The following STK33 variants were observed in gnomAD, a reference collection of about 807,000 sequenced individuals.
The protein encoded by STK33 is serine/threonine kinase 33.
In STK33, 52 loss-of-function variants were observed where a neutral mutation model predicts 58.0. The observed-to-expected ratio is 0.90, with a 90% CI of 0.72 to 1.13. The LOEUF (loss-of-function observed/expected upper bound fraction) is 1.13. STK33 is among the 50% of genes most tolerant of loss of function. The probability of loss-of-function intolerance (pLI) is 0.00; values close to 1 mark genes in which losing one functional copy is unlikely to be tolerated. For missense variants in STK33, 630 were observed against 604.2 expected (o/e 1.04, Z -0.45); for synonymous variants, 215 against 200.1 (o/e 1.07, Z -0.63).
intron 15 of STK33, among the ~76,000 whole-genome samples, chr11:8,397,621 T>C (rs1191378583): frequency 6.6e-6 from 1 of 152,112 alleles, no homozygotes; most frequent in South Asian, 2.1e-4. Flanking sequence ...AGAATGACTT[T>C]GACGAGTTGA....
At chr11:8,471,475 A>G (rs1047700555) in intron 6 of STK33, among the ~76,000 whole-genome samples, 5 of 152,184 alleles carry the variant, frequency 3.3e-5, no homozygotes, top group African/African-American at 1.2e-4. Flanking sequence ...CATATAAGAT[A>G]TGATTTCATT....
chr11:8,446,151 C>T (rs1442366783), intron 11 of STK33, among the ~76,000 whole-genome samples: 1 of 152,088 alleles, frequency 6.6e-6, no homozygotes, highest in African/African-American at 2.4e-5. Flanking sequence ...TCTAGATTTT[C>T]TACTTTATTT....
rs1565087810 is a variant in STK33, at chr11:8,464,824, TG to T, written c.340-3del. ...TATTCTTCCAAAGGTATAGATTTCC[TG>T]GAGAAAAAAAAAAAAAGAGTTGTCT... On this transcript the variant is annotated splice_region_variant and splice_polypyrimidine_tract_variant and intron_variant, in intron 6 of 15. Coordinates refer to ENST00000687296, the MANE Select transcript of STK33 (RefSeq NM_001352389.2). 3.3e-6 allele frequency: 5 copies of T among 1,537,392 alleles called. No individual in the cohort carries two copies. The Admixed American group carries it at 5.5e-5, about 17-fold the overall frequency.
intron 1 of STK33, among the ~76,000 whole-genome samples, chr11:8,579,639 A>G (rs900275005): frequency 6.6e-6 from 1 of 152,046 alleles, no homozygotes; most frequent in Non-Finnish European, 1.5e-5. Context: ...TTACAAGAGA[A>G]AAAAAAGGCT....
At chr11:8,488,331 G>A (rs1263450725) in intron 1 of STK33, among the ~76,000 whole-genome samples, 2 of 151,882 alleles carry the variant, frequency 1.3e-5, no homozygotes. Flanking sequence ...ATCTCTGTAG[G>A]GGCTTTGAAA....
chr11:8,438,033 C>A (rs1470331785), intron 12 of STK33, among the ~76,000 whole-genome samples: 4 of 152,136 alleles, frequency 2.6e-5, no homozygotes, highest in African/African-American at 9.7e-5. Flanking sequence ...CAGTGCAGGC[C>A]AGCAAAGGCC....
intron 15 of STK33, among the ~76,000 whole-genome samples, chr11:8,408,394 T>A (rs1356350535): frequency 6.6e-6 from 1 of 152,106 alleles, no homozygotes; most frequent in African/African-American, 2.4e-5. Context: ...CACTAATACA[T>A]CTTTGCAAAA....
chr11:8,344,798 G>A, the STK33 span, among the ~76,000 whole-genome samples: 2 of 152,220 alleles, frequency 1.3e-5, no homozygotes, highest in Non-Finnish European at 1.5e-5. Context: ...TGATGACCCT[G>A]GAGGTGGGGA....
At chr11:8,336,994 C>T in the STK33 span, among the ~76,000 whole-genome samples, 1 of 152,248 alleles carries the variant, frequency 6.6e-6, no homozygotes, top group South Asian at 2.1e-4. Flanking sequence ...AGCCCAAATG[C>T]ACCAGGCCCA....
chr11:8,455,662 T>A (rs1452694972), intron 9 of STK33, among the ~76,000 whole-genome samples: 2 of 141,834 alleles, frequency 1.4e-5, no homozygotes, highest in African/African-American at 5.2e-5. Context: ...CAAAAAAAAA[T>A]CAGCCAGGCA....
intron 14 of STK33, 79 bp from the exon 15 acceptor site, chr11:8,413,771 T>C (rs570768192): frequency 2.6e-5 from 33 of 1,261,648 alleles, no homozygotes; most frequent in Non-Finnish European, 3.6e-5. Context: ...AGCGAGACAG[T>C]CTCCCAAATT....
At chr11:8,455,858 G>GGAATGCATT (rs1446859912) in intron 9 of STK33, among the ~76,000 whole-genome samples, 3 of 148,996 alleles carry the variant, frequency 2.0e-5, no homozygotes. Flanking sequence ...AATTGCTAGA[G>GGAATGCATT]GAATGCATTG....
At chr11:8,581,430 G>C (rs919680590) in intron 1 of STK33, among the ~76,000 whole-genome samples, 1 of 152,172 alleles carries the variant, frequency 6.6e-6, no homozygotes, top group Non-Finnish European at 1.5e-5. Flanking sequence ...AGGATCACTT[G>C]AGTCTGGAAG....
At chr11:8,585,517 G>A (rs993171735) in intron 1 of STK33, among the ~76,000 whole-genome samples, 3 of 150,976 alleles carry the variant, frequency 2.0e-5, no homozygotes, top group Non-Finnish European at 4.4e-5. Flanking sequence ...GAGCCACCGC[G>A]CCCAGCCAAA....
intron 6 of STK33, among the ~76,000 whole-genome samples, chr11:8,468,352 G>T (rs564808672): frequency 6.6e-6 from 1 of 152,270 alleles, no homozygotes; most frequent in Non-Finnish European, 1.5e-5. Flanking sequence ...TGAGATTTGG[G>T]TGGGGACACA....
intron 1 of STK33, among the ~76,000 whole-genome samples, chr11:8,561,866 G>A (rs188260561): frequency 3.9e-5 from 6 of 152,276 alleles, no homozygotes; most frequent in Admixed American, 2.0e-4. Flanking sequence ...AACGCCACCA[G>A]GACTGCTTAT....
At chr11:8,491,234 T>G (rs976969995) in intron 1 of STK33, among the ~76,000 whole-genome samples, 2 of 152,054 alleles carry the variant, frequency 1.3e-5, no homozygotes, top group Non-Finnish European at 2.9e-5. Flanking sequence ...ATAAACAGTG[T>G]AGAAAAGAAC....
At chr11:8,574,265 C>T (rs1958026393) in intron 1 of STK33, among the ~76,000 whole-genome samples, 1 of 152,210 alleles carries the variant, frequency 6.6e-6, no homozygotes, top group East Asian at 1.9e-4. Flanking sequence ...AACCTTGATT[C>T]CTAGTATGAT....
the STK33 span, among the ~76,000 whole-genome samples, chr11:8,336,368 T>C: frequency 2.6e-5 from 4 of 152,078 alleles, no homozygotes; most frequent in Non-Finnish European, 5.9e-5. Flanking sequence ...AAGCCTTGAG[T>C]GAGGAATCAG....
Sources: gnomAD v4.1 joint callset for allele counts (sites outside exome capture counted in the v4.1 genomes callset) on GRCh38, gnomAD v4.1.1 for gene constraint, MANE v1.5 for transcripts, NCBI Gene and HGNC (gene_info 2026-07-23, HGNC 2026-07-21) for gene names.